PRKCA: variants seen among roughly 807,000 people sequenced by gnomAD.
PRKCA encodes the protein protein kinase C alpha.
PRKCA carries 27 observed loss-of-function variants against 87.0 expected under a neutral mutation model. The observed-to-expected ratio is 0.31, with a 90% CI of 0.23 to 0.43. The LOEUF (loss-of-function observed/expected upper bound fraction) is 0.43, where lower values mean the gene tolerates loss of function less well. Among genes scored for constraint, PRKCA ranks in the 20% least tolerant of loss-of-function variants. PRKCA has a pLI of 1.00. For synonymous variants in PRKCA, 329 were observed against 311.1 expected (o/e 1.06, Z -0.61); for missense variants, 518 against 852.3 (o/e 0.61, Z 4.88).
intron 3 of PRKCA, among the ~76,000 whole-genome samples, chr17:66,544,138 C>T (rs575704822): frequency 1.1e-4 from 17 of 152,174 alleles, no homozygotes; most frequent in Admixed American, 7.8e-4. Flanking sequence ...GCAGGAGAAT[C>T]GCTGGAACCC....
intron 2 of PRKCA, among the ~76,000 whole-genome samples, chr17:66,379,665 T>C (rs1165139037): frequency 6.6e-6 from 1 of 152,222 alleles, no homozygotes; most frequent in Non-Finnish European, 1.5e-5. Context: ...TTATTGTTGG[T>C]ATCATTCATG....
intron 2 of PRKCA, among the ~76,000 whole-genome samples, chr17:66,331,641 C>T (rs1415671033): frequency 6.6e-6 from 1 of 152,158 alleles, no homozygotes; most frequent in Non-Finnish European, 1.5e-5. Flanking sequence ...ATGGGCTTTT[C>T]ATTGCTTCAG....
intron 3 of PRKCA, among the ~76,000 whole-genome samples, chr17:66,588,258 T>C (rs1969682623): frequency 6.6e-6 from 1 of 152,148 alleles, no homozygotes; most frequent in African/African-American, 2.4e-5. Flanking sequence ...TGTTGCTTCT[T>C]CTGTGAATTG....
At chr17:66,422,909 G>A (rs1912568839) in intron 2 of PRKCA, among the ~76,000 whole-genome samples, 1 of 148,842 alleles carries the variant, frequency 6.7e-6, no homozygotes, top group East Asian at 1.9e-4. Context: ...TCAGGAGTTC[G>A]AGACCAGCCT....
Position 66,615,971 on chromosome 17 carries a change from A to G in PRKCA, c.289-25384A>G, listed in dbSNP as rs535091336. On this transcript the variant is annotated intron_variant, in intron 3 of 16. Transcript: ENST00000413366. Reference sequence around the variant, plus strand: ...ACATTCATTGCTTTTCTCTAGACCCAGAACTAAGGCAGCTTTGCTCAATGC... The same window carrying G: ...ACATTCATTGCTTTTCTCTAGACCCGGAACTAAGGCAGCTTTGCTCAATGC... Among the ~76,000 whole-genome samples, 21 of 152,358 alleles carry G rather than the reference A, an allele frequency of 1.4e-4. No homozygotes were observed. In the South Asian group the frequency reaches 4.3e-3, roughly 32 times the overall value.
At chr17:66,550,059 TC>T (rs1170201204) in intron 3 of PRKCA, among the ~76,000 whole-genome samples, 2 of 152,152 alleles carry the variant, frequency 1.3e-5, no homozygotes, top group African/African-American at 4.8e-5. Context: ...CTTGAGAGAA[TC>T]CCTGGCCTGT....
At chr17:66,761,617 C>T (rs563783333) in intron 13 of PRKCA, among the ~76,000 whole-genome samples, 2 of 151,750 alleles carry the variant, frequency 1.3e-5, no homozygotes, top group African/African-American at 2.4e-5. Flanking sequence ...CCACCACACC[C>T]GGCTAATTTT....
At chr17:66,628,127 G>A (rs754421217) in intron 3 of PRKCA, among the ~76,000 whole-genome samples, 49 of 151,660 alleles carry the variant, frequency 3.2e-4, no homozygotes, top group Non-Finnish European at 5.4e-4. Context: ...CTCAGCAAGC[G>A]TCCAGCACAA....
At chr17:66,631,046 G>A (rs753203137) in intron 3 of PRKCA, among the ~76,000 whole-genome samples, 12 of 152,118 alleles carry the variant, frequency 7.9e-5, no homozygotes, top group Admixed American at 3.9e-4. Flanking sequence ...TATATGAGCC[G>A]TTGAGTACTC....
At chr17:66,718,471 C>A (rs1008903310) in intron 8 of PRKCA, among the ~76,000 whole-genome samples, 4 of 152,134 alleles carry the variant, frequency 2.6e-5, no homozygotes, top group Non-Finnish European at 5.9e-5. Context: ...CGCCACTGTG[C>A]CTGGCTAATT....
At chr17:66,423,141 A>T (rs1912585269) in intron 2 of PRKCA, among the ~76,000 whole-genome samples, 1 of 151,958 alleles carries the variant, frequency 6.6e-6, no homozygotes, top group Non-Finnish European at 1.5e-5. Context: ...GCAGAGAAGG[A>T]GGTACTCTTA....
At chr17:66,452,235 T>C (rs555089386) in intron 2 of PRKCA, among the ~76,000 whole-genome samples, 2 of 152,226 alleles carry the variant, frequency 1.3e-5, no homozygotes, top group African/African-American at 4.8e-5. Context: ...GTGCCTATGA[T>C]GACCTCATTG....
intron 2 of PRKCA, among the ~76,000 whole-genome samples, chr17:66,427,550 A>C (rs1912881971): frequency 6.6e-6 from 1 of 152,198 alleles, no homozygotes. Flanking sequence ...TTGTAGCCAA[A>C]GCCTGTTTAA....
rs1976145192 is a variant in PRKCA, at chr17:66,810,703, G to C, written c.*6666G>C. The C allele has an allele frequency of 6.6e-6, 1 of 152,010 alleles. No homozygotes were observed. Among genetic ancestry groups the C allele is most frequent in the Non-Finnish European group, 1.5e-5 (1 of 68,014 alleles). The allele number at this position is 152,010 out of a possible 1,614,324, so 9.4% of individuals were successfully genotyped here. A position where few individuals can be genotyped will look rare whatever the true frequency, so the allele number is the denominator to read the frequency against. On this transcript the variant is annotated 3_prime_UTR_variant, in exon 17 of 17. Transcript: ENST00000413366. Reference sequence around the variant, plus strand: ...CGCTTTGTTAGAAACATTAATTGTAGTTTGGAAGCAAGTGTGTATGAATAA... The same window carrying C: ...CGCTTTGTTAGAAACATTAATTGTACTTTGGAAGCAAGTGTGTATGAATAA...
At chr17:66,522,194 C>T (rs753799097) in intron 3 of PRKCA, among the ~76,000 whole-genome samples, 10 of 152,302 alleles carry the variant, frequency 6.6e-5, no homozygotes, top group South Asian at 6.2e-4. Context: ...GTGGGAGGAA[C>T]GTGCCCCTGG....
chr17:66,623,876 TG>T (rs1397260381), intron 3 of PRKCA, among the ~76,000 whole-genome samples: 1 of 151,932 alleles, frequency 6.6e-6, no homozygotes. Flanking sequence ...TCCAGGCTGA[TG>T]GACAGCAAGT....
At chr17:66,428,118 A>G (rs1912909993) in intron 2 of PRKCA, among the ~76,000 whole-genome samples, 1 of 152,140 alleles carries the variant, frequency 6.6e-6, no homozygotes, top group South Asian at 2.1e-4. Flanking sequence ...TTACACAGTA[A>G]TTGCCCGACT....
In PRKCA at chr17:66,805,911, T is replaced by G. The variant is rs1011998959; in HGVS notation, c.*1874T>G. ...TGTACTGGACACGCAGGAAGCATGC[T>G]GTCTTGCTGCCTCTGCAACGACCTG... On this transcript the variant is annotated 3_prime_UTR_variant, in exon 17 of 17. Coordinates refer to ENST00000413366, the MANE Select transcript of PRKCA (RefSeq NM_002737.3). 5.9e-5 allele frequency: 9 copies of G among 152,276 alleles called. No individual in the cohort carries two copies. Among genetic ancestry groups the G allele is most frequent in the African/African-American group, 2.2e-4 (9 of 41,468 alleles). 9.4% of individuals were successfully genotyped at this position (152,276 alleles called of 1,614,324 possible). A position where few individuals can be genotyped will look rare whatever the true frequency, so the allele number is the denominator to read the frequency against.
chr17:66,391,790 G>A (rs529647214), intron 2 of PRKCA, among the ~76,000 whole-genome samples: 1 of 152,056 alleles, frequency 6.6e-6, no homozygotes, highest in East Asian at 1.9e-4. Context: ...TTAACAACTC[G>A]GCACACCCAC....
Sources: allele counts gnomAD v4.1 joint callset (sites outside exome capture counted in the v4.1 genomes callset), GRCh38; gene constraint gnomAD v4.1.1; transcripts MANE v1.5; gene names NCBI Gene and HGNC (gene_info 2026-07-23, HGNC 2026-07-21).